LRP5: variants seen among roughly 807,000 people sequenced by gnomAD.
LRP5 encodes LDL receptor related protein 5.
Under a neutral mutation model 154.1 loss-of-function variants are expected in LRP5, and 62 were observed. The observed-to-expected ratio is 0.40, with a 90% confidence interval of 0.33 to 0.50. The LOEUF (loss-of-function observed/expected upper bound fraction) is 0.50, where lower values mean the gene tolerates loss of function less well. Ranked by LOEUF, LRP5 falls within the 20% of genes least tolerant of loss-of-function variation. The pLI is 0.55. For missense variants in LRP5, 1,915 were observed against 2,336.7 expected (o/e 0.82, Z 3.72); for synonymous variants, 966 against 1,011.5 (o/e 0.96, Z 0.85).
chr11:68,407,136 C>G (rs543169962), intron 9 of LRP5, among the ~76,000 whole-genome samples: 69 of 151,354 alleles, frequency 4.6e-4, no homozygotes, highest in Non-Finnish European at 6.8e-4. Context: ...ATTTATAGTG[C>G]AAATGTAAAC....
At chr11:68,373,784 C>T (rs1043934846) in intron 5 of LRP5, among the ~76,000 whole-genome samples, 9 of 152,250 alleles carry the variant, frequency 5.9e-5, no homozygotes, top group Non-Finnish European at 8.8e-5. Flanking sequence ...GAGTTGCCAC[C>T]GCCATCCTCG....
chr11:68,389,761 G>A, intron 6 of LRP5, 120 bp from the exon 7 acceptor site: 1 of 954,846 alleles, frequency 1.0e-6, no homozygotes, highest in Non-Finnish European at 1.7e-6. Context: ...AATATTTACT[G>A]ACATCAACAT....
chr11:68,382,108 C>G lies in LRP5; in HGVS notation c.1016-4208C>G, dbSNP rs543958685. Among the ~76,000 whole-genome samples, 6 of 152,258 alleles carry G rather than the reference C, an allele frequency of 3.9e-5. No homozygotes were observed. The East Asian group carries it at 1.2e-3, about 29-fold the overall frequency. Reference sequence around the variant, plus strand: ...CTGCAAAACTCAAAAACCTCAGAGGCCTTGCAGCCTGAGGGGTGTCAGAGA... The same window carrying G: ...CTGCAAAACTCAAAAACCTCAGAGGGCTTGCAGCCTGAGGGGTGTCAGAGA... On this transcript the variant is annotated intron_variant, in intron 5 of 22. Coordinates refer to ENST00000294304, the MANE Select transcript of LRP5 (RefSeq NM_002335.4).
chr11:68,386,444 C>T lies in LRP5; in HGVS notation c.1144C>T (p.Pro382Ser). 1 of 1,614,136 alleles carries T rather than the reference C, an allele frequency of 6.2e-7. No individual in the cohort carries two copies. The highest frequency in any genetic ancestry group is 8.5e-7 in the Non-Finnish European group (1 of 1,180,040). ...IRHAIAIDYD[P>S]LEGYVYWTDD... ...GCACGCCATTGCCATCGACTACGAC[C>T]CGCTAGAGGGCTATGTCTACTGGAC... Residue 382 changes from proline (P) to serine (S), a missense_variant, in exon 6 of 23, where the codon CCG becomes TCG. By Grantham distance (74) the Pro-to-Ser change is moderately conservative. This residue lies in a region of LRP5 where 773 missense variants were observed against 1,100.9 expected (regional missense o/e 0.70). Transcript: ENST00000294304. This position sits in a 1 kb window ranked among gnomAD's most constrained non-coding sequence, Gnocchi z 7.9.
chr11:68,339,553 G>C (rs1049015029), intron 1 of LRP5, among the ~76,000 whole-genome samples: 2 of 151,972 alleles, frequency 1.3e-5, no homozygotes, highest in Non-Finnish European at 2.9e-5. Context: ...TCACCGTGTT[G>C]GCCAGGCTGG....
intron 3 of LRP5, among the ~76,000 whole-genome samples, chr11:68,361,304 C>T (rs1182030188): frequency 8.2e-6 from 1 of 122,562 alleles, no homozygotes; most frequent in Non-Finnish European, 1.8e-5. Flanking sequence ...GACTCTGTCT[C>T]AAAAAAAAAA....
In LRP5 at chr11:68,433,235, G is replaced by A. The variant is rs567837502; in HGVS notation, c.3764-367G>A. ...AGATGTGTGTTGCCGGGAGGAGGAA[G>A]GACTGCTCCAGTCAGGGCTGAATTT... On this transcript the variant is annotated intron_variant, in intron 17 of 22. Transcript: ENST00000294304. 1.6e-4 allele frequency among the ~76,000 whole-genome samples: 25 copies of A among 152,338 alleles called. No individual in the cohort carries two copies. The East Asian group carries it at 4.6e-3, about 28-fold the overall frequency.
intron 7 of LRP5, 82 bp from the exon 8 acceptor site, chr11:68,403,401 C>T (rs2098653739): frequency 8.7e-6 from 11 of 1,265,776 alleles, no homozygotes; most frequent in Non-Finnish European, 1.3e-5. Flanking sequence ...TTTGGGGCAG[C>T]TCAGGCCCCA....
Position 68,439,759 on chromosome 11 carries a change from C to T in LRP5, c.4349-18C>T, listed in dbSNP as rs887449487. The T allele has an allele frequency of 8.7e-6, 14 of 1,606,974 alleles. No individual in the cohort carries two copies. The highest frequency in any genetic ancestry group is 4.5e-5 in the East Asian group (2 of 44,628). On this transcript the variant is annotated intron_variant, in intron 20 of 22. Transcript: ENST00000294304. ...GAGCCTGGAAGCCACCTGACCTCCC[C>T]CGTCCCTTCCCTGCCAGGCATCGCA...
At position 68,411,431 on chromosome 11, in the gene LRP5, T is replaced by C; in HGVS notation, c.2319-5T>C. 2 of 1,610,430 alleles carry C rather than the reference T, an allele frequency of 1.2e-6. No individual in the cohort carries two copies. The highest frequency in any genetic ancestry group is 1.7e-6 in the Non-Finnish European group (2 of 1,180,000). ...GAGCCTGCCCTTCTCCCTTGTGCCT[T>C]CCAGCTACATCTACTGGACCGAGTG... On this transcript the variant is annotated splice_region_variant and splice_polypyrimidine_tract_variant and intron_variant, in intron 10 of 22. Coordinates refer to ENST00000294304, the MANE Select transcript of LRP5 (RefSeq NM_002335.4).
At chr11:68,424,014 T>C (rs960927728) in intron 14 of LRP5, among the ~76,000 whole-genome samples, 1 of 152,170 alleles carries the variant, frequency 6.6e-6, no homozygotes. Context: ...TTCCACGGCA[T>C]GGGGGCTGCC....
At chr11:68,307,046 G>A in the LRP5 span, among the ~76,000 whole-genome samples, 1 of 152,318 alleles carries the variant, frequency 6.6e-6, no homozygotes, top group East Asian at 1.9e-4. Context: ...GCCGGGTGTG[G>A]TGGCGCATGC....
intron 1 of LRP5, among the ~76,000 whole-genome samples, chr11:68,346,953 G>C (rs937265378): frequency 6.6e-6 from 1 of 152,228 alleles, no homozygotes; most frequent in South Asian, 2.1e-4. Flanking sequence ...CATTGAGCCC[G>C]TTGTGGGAAT....
chr11:68,324,553 T>A (rs1294851656), intron 1 of LRP5, among the ~76,000 whole-genome samples: 1 of 152,138 alleles, frequency 6.6e-6, no homozygotes, highest in South Asian at 2.1e-4. Context: ...AGAGGATGGG[T>A]CACGATGGGA....
At chr11:68,307,525 C>T in the LRP5 span, among the ~76,000 whole-genome samples, 1 of 152,050 alleles carries the variant, frequency 6.6e-6, no homozygotes, top group Non-Finnish European at 1.5e-5. Flanking sequence ...GGTGTACTGG[C>T]ACATACCTGT....
At chr11:68,366,947 C>T (rs944301014) in intron 5 of LRP5, among the ~76,000 whole-genome samples, 2 of 124,758 alleles carry the variant, frequency 1.6e-5, no homozygotes, top group Admixed American at 1.0e-4. Context: ...CTGGGGACCC[C>T]GCGGTGCAGA....
intron 1 of LRP5, among the ~76,000 whole-genome samples, chr11:68,319,072 GTTTTTT>G (rs59893808): frequency 4.3e-5 from 4 of 92,248 alleles, no homozygotes; most frequent in Admixed American, 3.7e-4. Context: ...CTGGCTCCTT[GTTTTTT>G]TTTTTTTTTT....
At position 68,386,230 on chromosome 11, in the gene LRP5, A is replaced by G. The variant is rs2098642912; in HGVS notation, c.1016-86A>G. The G allele has an allele frequency of 6.4e-7, 1 of 1,551,968 alleles. No individual in the cohort carries two copies. The highest frequency in any genetic ancestry group is 1.7e-5 in the Admixed American group (1 of 59,836). On this transcript the variant is annotated intron_variant, in intron 5 of 22. Coordinates refer to ENST00000294304, the MANE Select transcript of LRP5 (RefSeq NM_002335.4). The surrounding 1 kb of genome is among the most constrained non-coding windows in gnomAD (Gnocchi z 7.9). ...GAGAGCCCTGGGGGCCTGGCTGAGT[A>G]TTTCCCTTGCCCGGCCCACCCCAGG...
intron 1 of LRP5, among the ~76,000 whole-genome samples, chr11:68,330,527 G>T (rs867509054): frequency 2.0e-5 from 3 of 152,350 alleles, no homozygotes; most frequent in Admixed American, 6.5e-5. Context: ...TTGTGAACCA[G>T]CCCTGGTGGG....
Sources: gnomAD v4.1 joint callset for allele counts (sites outside exome capture counted in the v4.1 genomes callset) on GRCh38, gnomAD v4.1.1 for gene constraint, gnomAD v4.1.1 regional missense constraint, Gnocchi (gnomAD v3.1) non-coding constraint, MANE v1.5 for transcripts, NCBI Gene and HGNC (gene_info 2026-07-23, HGNC 2026-07-21) for gene names.